Variants in KREMEN1 observed in about 807,000 individuals in gnomAD.
KREMEN1 encodes the protein kringle containing transmembrane protein 1.
KREMEN1 carries 30 observed loss-of-function variants against 46.5 expected under a neutral mutation model. That is an observed-to-expected ratio of 0.65 (90% CI 0.48 to 0.88). The LOEUF (loss-of-function observed/expected upper bound fraction) is 0.88. KREMEN1 is among the 40% of genes least tolerant of loss of function. KREMEN1 has a pLI of 0.00. For synonymous variants in KREMEN1, 214 were observed against 230.6 expected (o/e 0.93, Z 0.65); for missense variants, 533 against 596.9 (o/e 0.89, Z 1.11).
chr22:29,117,161 G>T (rs1232279131), intron 3 of KREMEN1, among the ~76,000 whole-genome samples: 2 of 152,170 alleles, frequency 1.3e-5, no homozygotes, highest in Non-Finnish European at 2.9e-5. Context: ...GTGTGTGTGT[G>T]TGTACATGCG....
rs565105236 is a variant in KREMEN1, at chr22:29,138,362, G to A, written c.965-262G>A. Among the ~76,000 whole-genome samples, 9 of 152,346 alleles carry A rather than the reference G, an allele frequency of 5.9e-5. No individual in the cohort carries two copies. The East Asian group carries it at 1.4e-3, about 23-fold the overall frequency. On this transcript the variant is annotated intron_variant, in intron 6 of 8. Transcript: ENST00000400335. The stretch of plus-strand genomic sequence containing the variant: ...GGAGCCATAGCTGCCAAGTACAGGG[G>A]CAGAGAAGCTGTAAACCATGCCCAG...
intron 9 of KREMEN1, among the ~76,000 whole-genome samples, chr22:29,162,771 G>A (rs991635729): frequency 6.6e-6 from 1 of 151,990 alleles, no homozygotes; most frequent in East Asian, 1.9e-4. Context: ...ATATCCAAAA[G>A]GAAACAAAGT....
chr22:29,110,378 A>G (rs2038128350), intron 3 of KREMEN1, among the ~76,000 whole-genome samples: 1 of 152,246 alleles, frequency 6.6e-6, no homozygotes, highest in Admixed American at 6.5e-5. Context: ...GGATCAAAGC[A>G]AGTGGCAAGG....
At chr22:29,156,014 C>T (rs1233351858) in intron 9 of KREMEN1, among the ~76,000 whole-genome samples, 1 of 152,174 alleles carries the variant, frequency 6.6e-6, no homozygotes, top group Non-Finnish European at 1.5e-5. Flanking sequence ...ACATAAGTCT[C>T]TCTCACTGTC....
At chr22:29,136,015 G>A (rs1016292728) in intron 5 of KREMEN1, among the ~76,000 whole-genome samples, 1 of 151,950 alleles carries the variant, frequency 6.6e-6, no homozygotes, top group Non-Finnish European at 1.5e-5. Flanking sequence ...TCCAGCTCCC[G>A]GGTTCAAGAA....
At position 29,108,003 on chromosome 22, in the gene KREMEN1, T is replaced by A. The variant is rs184541197; in HGVS notation, c.352+9050T>A. On this transcript the variant is annotated intron_variant, in intron 3 of 8. Coordinates refer to ENST00000400335, the MANE Select transcript of KREMEN1 (RefSeq NM_001039570.3). ...AAAGTGCTTGCTAAGTATTCTTTCT[T>A]GGCTGGGTGTGGTGGCTCATGCCTG... Among the ~76,000 whole-genome samples, 15 of 151,822 alleles carry A rather than the reference T, an allele frequency of 9.9e-5. No individual in the cohort carries two copies. In the East Asian group the frequency reaches 2.4e-3, roughly 24 times the overall value.
At chr22:29,092,208 GGA>G (rs1392045512) in intron 1 of KREMEN1, among the ~76,000 whole-genome samples, 2 of 152,194 alleles carry the variant, frequency 1.3e-5, no homozygotes, top group African/African-American at 2.4e-5. Context: ...TATGTTTTAG[GGA>G]AGTCAACAGG....
At chr22:29,140,518 C>G (rs1225916489) in intron 8 of KREMEN1, 152 bp downstream of exon 8, 5 of 627,578 alleles carry the variant, frequency 8.0e-6, no homozygotes, top group African/African-American at 1.8e-5. Context: ...GACATTCCCC[C>G]TTCTTTGTAG....
At chr22:29,074,236 C>T (rs574283626) in intron 1 of KREMEN1, among the ~76,000 whole-genome samples, 4 of 152,342 alleles carry the variant, frequency 2.6e-5, no homozygotes, top group South Asian at 4.1e-4. Context: ...CCTCTCTCTC[C>T]GCTGGGCCGC....
At chr22:29,139,713 C>A (rs1366071225) in intron 7 of KREMEN1, among the ~76,000 whole-genome samples, 3 of 152,228 alleles carry the variant, frequency 2.0e-5, no homozygotes, top group Admixed American at 6.5e-5. Flanking sequence ...CTTGAGGATG[C>A]AGTGAGCCAA....
At chr22:29,109,035 C>A (rs2038102990) in intron 3 of KREMEN1, among the ~76,000 whole-genome samples, 1 of 152,170 alleles carries the variant, frequency 6.6e-6, no homozygotes, top group African/African-American at 2.4e-5. Flanking sequence ...AGCAATCCTC[C>A]CACCTCGGCC....
At chr22:29,099,063 G>C (rs1214951119) in intron 3 of KREMEN1, 110 bp downstream of exon 3, 6 of 775,296 alleles carry the variant, frequency 7.7e-6, no homozygotes, top group Non-Finnish European at 1.3e-5. Flanking sequence ...ATTTCATGGA[G>C]CATGTGAAAG....
intron 3 of KREMEN1, among the ~76,000 whole-genome samples, chr22:29,115,406 A>T (rs756137977): frequency 6.6e-6 from 1 of 150,604 alleles, no homozygotes; most frequent in Non-Finnish European, 1.5e-5. Flanking sequence ...GTAACCAAAC[A>T]CCACCTGTTC....
At chr22:29,119,442 G>A (rs552390442) in intron 3 of KREMEN1, among the ~76,000 whole-genome samples, 1 of 152,206 alleles carries the variant, frequency 6.6e-6, no homozygotes, top group African/African-American at 2.4e-5. Context: ...TGGAGGATGT[G>A]GGGGTGTGGG....
At position 29,144,745 on chromosome 22, in the gene KREMEN1, G is replaced by A. The variant is rs1853585792; in HGVS notation, c.*2633G>A. The A allele has an allele frequency of 9.1e-6, 9 of 985,416 alleles. No individual in the cohort carries two copies. The South Asian group carries it at 3.8e-4, about 41-fold the overall frequency. The allele number at this position is 985,416 out of a possible 1,614,324, so 61.0% of individuals were successfully genotyped here. Reference sequence around the variant, plus strand: ...AGGGGGCAGTTGTTCAGTTGCCTGGGGCTGACACTGACCACTGGCCTCTGG... The same window carrying A: ...AGGGGGCAGTTGTTCAGTTGCCTGGAGCTGACACTGACCACTGGCCTCTGG... On this transcript the variant is annotated 3_prime_UTR_variant, in exon 9 of 9. Coordinates refer to ENST00000400335, the MANE Select transcript of KREMEN1 (RefSeq NM_001039570.3).
intron 3 of KREMEN1, among the ~76,000 whole-genome samples, chr22:29,110,677 G>A (rs971946974): frequency 7.9e-5 from 12 of 152,200 alleles, no homozygotes; most frequent in Admixed American, 3.9e-4. Flanking sequence ...AAGACTCGGG[G>A]GCACAATTAA....
At position 29,140,381 on chromosome 22, in the gene KREMEN1, G is replaced by A; in HGVS notation, c.1208+15G>A. 1 of 1,582,770 alleles carries A rather than the reference G, an allele frequency of 6.3e-7. No individual in the cohort carries two copies. Among genetic ancestry groups the A allele is most frequent in the South Asian group, 1.1e-5 (1 of 90,410 alleles). Reference sequence around the variant, plus strand: ...GTCACATTCAAGTGAGTACAAGAGGGAGCTGCCCAATTCCAGGAAAGGGAA... The same window carrying A: ...GTCACATTCAAGTGAGTACAAGAGGAAGCTGCCCAATTCCAGGAAAGGGAA... On this transcript the variant is annotated intron_variant, in intron 8 of 8. Transcript: ENST00000400335.
chr22:29,096,206 T>A (rs1003115447), intron 2 of KREMEN1, among the ~76,000 whole-genome samples: 24 of 152,222 alleles, frequency 1.6e-4, no homozygotes, highest in Admixed American at 6.5e-4. Context: ...GGGAAGAGTG[T>A]TTAGGAAGAG....
At chr22:29,103,720 C>T (rs2038009177) in intron 3 of KREMEN1, among the ~76,000 whole-genome samples, 1 of 152,132 alleles carries the variant, frequency 6.6e-6, no homozygotes, top group Non-Finnish European at 1.5e-5. Context: ...TCTACAAACC[C>T]AGCTATAAAA....
Sources: allele counts gnomAD v4.1 joint callset (sites outside exome capture counted in the v4.1 genomes callset), GRCh38; gene constraint gnomAD v4.1.1; transcripts MANE v1.5; gene names NCBI Gene and HGNC (gene_info 2026-07-23, HGNC 2026-07-21).